The following TBC1D5 variants were observed in gnomAD, a reference collection of about 807,000 sequenced individuals.
TBC1D5 encodes TBC1 domain family member 5.
Under a neutral mutation model 100.3 loss-of-function variants are expected in TBC1D5, and 75 were observed. The ratio of observed to expected loss-of-function variants is 0.75; its 90% CI spans 0.62 to 0.91. The LOEUF (loss-of-function observed/expected upper bound fraction) is 0.91. Ranked by LOEUF, TBC1D5 falls within the 40% of genes least tolerant of loss-of-function variation. The pLI, the probability that TBC1D5 is intolerant of heterozygous loss-of-function variation, is 0.00. For synonymous variants in TBC1D5, 323 were observed against 325.6 expected, an observed-to-expected ratio of 0.99 and a Z score of 0.09; for missense variants, 910 against 942.4, an observed-to-expected ratio of 0.97 and a Z score of 0.45.
intron 18 of TBC1D5, among the ~76,000 whole-genome samples, chr3:17,207,397 G>T (rs1025245239): frequency 2.0e-5 from 3 of 152,120 alleles, no homozygotes; most frequent in African/African-American, 7.2e-5. Flanking sequence ...TTCTCTTCAA[G>T]ACAAACCAAT....
At position 17,236,731 on chromosome 3, in the gene TBC1D5, C is replaced by T. The variant is rs533483582; in HGVS notation, c.1588+1432G>A. ...CATCTCTTGACCTCGTGATCTACCT[C>T]GGCCTCCCAAAGTGCTGGGATTACA... On this transcript the variant is annotated intron_variant, in intron 17 of 21. Coordinates refer to ENST00000253692, the Ensembl canonical transcript of TBC1D5. Among the ~76,000 whole-genome samples the T allele has an allele frequency of 2.6e-5, 4 of 152,230 alleles. No homozygotes were observed. In the East Asian group the frequency reaches 5.8e-4, roughly 22 times the overall value.
intron 1 of TBC1D5, among the ~76,000 whole-genome samples, chr3:17,632,487 AAAG>A (rs1347777680): frequency 6.6e-6 from 1 of 152,256 alleles, no homozygotes; most frequent in Admixed American, 6.5e-5. Flanking sequence ...CTCAATTTTG[AAAG>A]AAGTAGTTCT....
intron 13 of TBC1D5, among the ~76,000 whole-genome samples, chr3:17,317,773 A>T (rs2084879152): frequency 6.6e-6 from 1 of 152,154 alleles, no homozygotes; most frequent in South Asian, 2.1e-4. Flanking sequence ...AAGTACTACC[A>T]CATTTGGACT....
intron 14 of TBC1D5, among the ~76,000 whole-genome samples, chr3:17,300,146 A>G (rs1284279126): frequency 6.6e-6 from 1 of 152,212 alleles, no homozygotes; most frequent in Non-Finnish European, 1.5e-5. Flanking sequence ...AGTAGTATAA[A>G]CGGTGTTTGT....
At chr3:17,246,983 C>T (rs2076789796) in intron 16 of TBC1D5, among the ~76,000 whole-genome samples, 1 of 152,198 alleles carries the variant, frequency 6.6e-6, no homozygotes, top group Non-Finnish European at 1.5e-5. Context: ...AAATTGTTTA[C>T]ACTAACAATG....
intron 16 of TBC1D5, among the ~76,000 whole-genome samples, chr3:17,252,054 C>T (rs971438713): frequency 1.3e-5 from 2 of 152,120 alleles, no homozygotes; most frequent in Non-Finnish European, 2.9e-5. Flanking sequence ...CCAGAACATT[C>T]ATGGATTTTC....
chr3:17,544,685 C>G (rs1190179656), intron 2 of TBC1D5, among the ~76,000 whole-genome samples: 1 of 147,890 alleles, frequency 6.8e-6, no homozygotes, highest in African/African-American at 2.5e-5. Flanking sequence ...AAGAACTCTG[C>G]ATGTCTGCAT....
chr3:17,360,476 C>G (rs2151867000), intron 13 of TBC1D5, among the ~76,000 whole-genome samples: 1 of 151,904 alleles, frequency 6.6e-6, no homozygotes. Context: ...TATATATATA[C>G]CTAGAATGGC....
At chr3:17,440,611 T>C (rs2094632747) in intron 3 of TBC1D5, among the ~76,000 whole-genome samples, 2 of 152,216 alleles carry the variant, frequency 1.3e-5, no homozygotes, top group South Asian at 2.1e-4. Flanking sequence ...AGTAAGACTT[T>C]GTCTCTTAAA....
intron 1 of TBC1D5, among the ~76,000 whole-genome samples, chr3:17,713,611 T>C (rs967239471): frequency 1.3e-5 from 2 of 152,098 alleles, no homozygotes; most frequent in African/African-American, 4.8e-5. Context: ...AGCCACAGAA[T>C]GGGGGAAAAA....
intron 2 of TBC1D5, among the ~76,000 whole-genome samples, chr3:17,619,108 T>C (rs1384794340): frequency 6.6e-6 from 1 of 152,200 alleles, no homozygotes; most frequent in Non-Finnish European, 1.5e-5. Context: ...AACAGAAATG[T>C]TCAAAACCTA....
At chr3:17,231,681 T>C (rs2075433630) in intron 17 of TBC1D5, among the ~76,000 whole-genome samples, 1 of 152,178 alleles carries the variant, frequency 6.6e-6, no homozygotes, top group Non-Finnish European at 1.5e-5. Flanking sequence ...GGTTTACTTC[T>C]ACTTCCCCTT....
At chr3:17,191,852 G>A (rs1183991777) in intron 18 of TBC1D5, among the ~76,000 whole-genome samples, 3 of 151,834 alleles carry the variant, frequency 2.0e-5, no homozygotes, top group African/African-American at 4.8e-5. Context: ...ACAAACTCCT[G>A]CCCTCAAGTG....
intron 1 of TBC1D5, among the ~76,000 whole-genome samples, chr3:17,696,347 T>G (rs1434857329): frequency 6.6e-6 from 1 of 151,968 alleles, no homozygotes; most frequent in Non-Finnish European, 1.5e-5. Context: ...ACTGATAGAC[T>G]GCTAGCAAGA....
intron 13 of TBC1D5, among the ~76,000 whole-genome samples, chr3:17,317,632 A>T (rs1431235161): frequency 6.6e-6 from 1 of 152,258 alleles, no homozygotes; most frequent in African/African-American, 2.4e-5. Flanking sequence ...TTTTAAGGAC[A>T]AATATATAAT....
At chr3:17,382,134 T>C (rs2092970386) in intron 9 of TBC1D5, among the ~76,000 whole-genome samples, 1 of 152,034 alleles carries the variant, frequency 6.6e-6, no homozygotes, top group African/African-American at 2.4e-5. Context: ...ATGATGATAA[T>C]AAAAACAACC....
chr3:17,336,851 G>A (rs911697730), intron 13 of TBC1D5, among the ~76,000 whole-genome samples: 2 of 152,004 alleles, frequency 1.3e-5, no homozygotes, highest in Admixed American at 1.3e-4. Flanking sequence ...AAAGAAATTT[G>A]GTATGTTTGA....
chr3:17,415,017 G>T (rs1236391290), intron 4 of TBC1D5, among the ~76,000 whole-genome samples: 1 of 151,952 alleles, frequency 6.6e-6, no homozygotes, highest in Non-Finnish European at 1.5e-5. Context: ...TTAAAATTAC[G>T]GTCATGTTTT....
At chr3:17,373,332 T>C (rs1358221690) in intron 12 of TBC1D5, among the ~76,000 whole-genome samples, 1 of 152,154 alleles carries the variant, frequency 6.6e-6, no homozygotes, top group East Asian at 1.9e-4. Context: ...AGCAATTAAT[T>C]ATACCAATAT....
Sources: allele counts gnomAD v4.1 joint callset (sites outside exome capture counted in the v4.1 genomes callset), GRCh38; gene constraint gnomAD v4.1.1; transcripts MANE v1.5; gene names NCBI Gene and HGNC (gene_info 2026-07-23, HGNC 2026-07-21).